The following MFAP3 variants were observed in gnomAD, a reference collection of about 807,000 sequenced individuals.
The protein encoded by MFAP3 is microfibril-associated glycoprotein 3.
MFAP3 carries 8 observed loss-of-function variants against 20.5 expected under a neutral mutation model. That is an observed-to-expected ratio of 0.39 (90% CI 0.23 to 0.70). The LOEUF is 0.70. MFAP3 is among the 30% of genes least tolerant of loss of function. The pLI is 0.44. For missense variants in MFAP3, 398 were observed against 444.6 expected (o/e 0.90, Z 0.94); for synonymous variants, 140 against 154.0 (o/e 0.91, Z 0.67).
At chr5:154,043,493 GT>G (rs1382043315) in intron 1 of MFAP3, among the ~76,000 whole-genome samples, 5 of 151,822 alleles carry the variant, frequency 3.3e-5, no homozygotes, top group African/African-American at 9.7e-5. Context: ...GGAGGTTGCA[GT>G]GAGCCGAGAT....
At position 154,055,180 on chromosome 5, in the gene MFAP3, C is replaced by G. The variant is rs958416067; in HGVS notation, c.*1467C>G. On this transcript the variant is annotated 3_prime_UTR_variant, in exon 3 of 3. Transcript: ENST00000522782. ...GGCTTCACGTTTCTTCATATGACTT[C>G]TGATTATTGAAGCATTACTTCAGCT... is the stretch of plus-strand genomic sequence containing the variant. 1 of 167,024 alleles carries G rather than the reference C, an allele frequency of 6.0e-6. No individual in the cohort carries two copies. The highest frequency in any genetic ancestry group is 1.5e-5 in the Non-Finnish European group (1 of 68,116). 10.3% of individuals were successfully genotyped at this position (167,024 alleles called of 1,614,324 possible).
intron 1 of MFAP3, among the ~76,000 whole-genome samples, chr5:154,046,424 G>A (rs1229790354): frequency 2.0e-5 from 3 of 152,144 alleles, no homozygotes; most frequent in South Asian, 2.1e-4. Context: ...TAGTTATGAC[G>A]TACAGCAATA....
intron 2 of MFAP3, among the ~76,000 whole-genome samples, chr5:154,052,366 C>A (rs530918526): frequency 1.2e-4 from 18 of 151,594 alleles, no homozygotes; most frequent in Admixed American, 3.3e-4. Context: ...GTTACTTCAA[C>A]AAATGCATTA....
At chr5:154,040,611 C>T (rs1772913253) in intron 1 of MFAP3, among the ~76,000 whole-genome samples, 1 of 152,130 alleles carries the variant, frequency 6.6e-6, no homozygotes, top group Non-Finnish European at 1.5e-5. Context: ...GATTGTCATG[C>T]CAGTAAAAGA....
chr5:154,052,543 ATGTAT>A (rs1261048768), intron 2 of MFAP3, among the ~76,000 whole-genome samples: 1 of 152,184 alleles, frequency 6.6e-6, no homozygotes, highest in Non-Finnish European at 1.5e-5. Flanking sequence ...GTATATGAAA[ATGTAT>A]TGGTTGCAAT....
chr5:154,052,873 G>A (rs202206280), intron 2 of MFAP3, 47 bp from the exon 3 acceptor site: 5 of 1,507,250 alleles, frequency 3.3e-6, no homozygotes, highest in South Asian at 1.2e-5. Flanking sequence ...GGCATATTTA[G>A]TAATCTTTTT....
At chr5:154,049,161 A>G (rs1444392991) in intron 1 of MFAP3, among the ~76,000 whole-genome samples, 1 of 152,246 alleles carries the variant, frequency 6.6e-6, no homozygotes, top group Non-Finnish European at 1.5e-5. Context: ...AAGATCATTA[A>G]GATAAATATT....
At position 154,045,277 on chromosome 5, in the gene MFAP3, T is replaced by C. The variant is rs61336483; in HGVS notation, c.-166-4280T>C. Among the ~76,000 whole-genome samples, 420 of 152,284 alleles carry C rather than the reference T, an allele frequency of 2.8e-3. 2 individuals carry two copies. The highest frequency in any genetic ancestry group is 7.4e-3 in the African/African-American group (307 of 41,550). Reference sequence around the variant, plus strand: ...GGATAGGGCTCAAAGAGGGGAGCCGTTGGGTAAGTAGATCACGACAAATCT... The same window carrying C: ...GGATAGGGCTCAAAGAGGGGAGCCGCTGGGTAAGTAGATCACGACAAATCT... On this transcript the variant is annotated intron_variant, in intron 1 of 2. Coordinates refer to ENST00000522782, the MANE Select transcript of MFAP3 (RefSeq NM_005927.5).
intron 2 of MFAP3, 80 bp from the exon 3 acceptor site, chr5:154,052,840 G>A: frequency 8.5e-7 from 1 of 1,182,550 alleles, no homozygotes; most frequent in Non-Finnish European, 1.2e-6. Context: ...TTGATAAAGA[G>A]GTGGAATATG....
Position 154,053,412 on chromosome 5 carries a change from A to T in MFAP3, c.788A>T (p.Asp263Val), listed in dbSNP as rs528602549. The T allele has an allele frequency of 6.8e-6, 11 of 1,613,970 alleles. No individual in the cohort carries two copies. In the Middle Eastern group the frequency reaches 4.9e-4, roughly 73 times the overall value. ...ATGTTTGAGGCTGTGCGAGTGGACG[A>T]CCCTGATGACCTGGGTGAAAGAATT... is the stretch of plus-strand genomic sequence containing the variant. ...EEMFEAVRVD[D>V]PDDLGERIKE... Residue 263 changes from aspartate (D) to valine (V), a missense_variant, in exon 3 of 3, where the codon GAC (aspartate) becomes GTC (valine). Physicochemically the swap from Asp to Val is radical, Grantham distance 152 (BLOSUM62 -3). Transcript: ENST00000522782.
chr5:154,042,261 T>A (rs1259892587), intron 1 of MFAP3, among the ~76,000 whole-genome samples: 2 of 152,258 alleles, frequency 1.3e-5, no homozygotes, highest in Non-Finnish European at 2.9e-5. Context: ...ATTGATGTTT[T>A]TGTCATTTGC....
rs569632799 is a variant in MFAP3, at chr5:154,050,111, G to C, written c.295+94G>C. The C allele has an allele frequency of 4.3e-5, 59 of 1,369,408 alleles. No individual in the cohort carries two copies. In the African/African-American group the frequency reaches 8.3e-4, roughly 19 times the overall value. 84.8% of individuals were successfully genotyped at this position (1,369,408 alleles called of 1,614,324 possible). ...TTAAACAAAAAGTCTCAAAGATAAG[G>C]TGCCAAGGTGAATAGTTTAAAACAT... On this transcript the variant is annotated intron_variant, in intron 2 of 2. Coordinates refer to ENST00000522782, the MANE Select transcript of MFAP3 (RefSeq NM_005927.5).
intron 1 of MFAP3, among the ~76,000 whole-genome samples, chr5:154,040,706 A>G (rs1198528243): frequency 6.6e-6 from 1 of 152,216 alleles, no homozygotes; most frequent in Non-Finnish European, 1.5e-5. Flanking sequence ...ATCCCAATTC[A>G]ATAAGTCTGT....
At position 154,049,958 on chromosome 5, in the gene MFAP3, A is replaced by T. The variant is rs559167658; in HGVS notation, c.236A>T (p.His79Leu). Residue 79 changes from histidine to leucine, a missense_variant, in exon 2 of 3, where the codon CAC (histidine) becomes CTC (leucine). Coordinates refer to ENST00000522782, the MANE Select transcript of MFAP3 (RefSeq NM_005927.5). Reference sequence around the variant, plus strand: ...ATTGAGTGTCTTCTCACAGCCAGTCACTATGAAGATGTCCATTGGCACAAT... The same window carrying T: ...ATTGAGTGTCTTCTCACAGCCAGTCTCTATGAAGATGTCCATTGGCACAAT... ...VSIECLLTAS[H>L]YEDVHWHNSK... The T allele has an allele frequency of 6.2e-7, 1 of 1,613,322 alleles. No individual in the cohort carries two copies.
chr5:154,055,230 G>C lies in MFAP3; in HGVS notation c.*1517G>C, dbSNP rs1773300050. 6.6e-6 allele frequency among the ~76,000 whole-genome samples: 1 copy of C among 152,212 alleles called. No homozygotes were observed. The highest frequency in any genetic ancestry group is 2.4e-5 in the African/African-American group (1 of 41,452). On this transcript the variant is annotated 3_prime_UTR_variant, in exon 3 of 3. Transcript: ENST00000522782. ...TAGAGGCTCCTGAGGGAAATGTTCA[G>C]AGGAGGTTTTATCAGGATTTTAATT...
Position 154,053,896 on chromosome 5 carries a change from C to G in MFAP3, c.*183C>G. 1.9e-5 allele frequency: 11 copies of G among 586,846 alleles called. No homozygotes were observed. Among genetic ancestry groups the G allele is most frequent in the Non-Finnish European group, 3.4e-5 (11 of 326,574 alleles). The allele number at this position is 586,846 out of a possible 1,614,324, so 36.4% of individuals were successfully genotyped here. A position where few individuals can be genotyped will look rare whatever the true frequency, so the allele number is the denominator to read the frequency against. ...AAGGCAGCATTTTTCCTCTCTGATA[C>G]TTTTCAGTCATTTTCCTTAGAGCTT... On this transcript the variant is annotated 3_prime_UTR_variant, in exon 3 of 3. Coordinates refer to ENST00000522782, the MANE Select transcript of MFAP3 (RefSeq NM_005927.5).
At chr5:154,043,968 A>G (rs1773020514) in intron 1 of MFAP3, among the ~76,000 whole-genome samples, 1 of 152,262 alleles carries the variant, frequency 6.6e-6, no homozygotes, top group Admixed American at 6.5e-5. Flanking sequence ...AGTCCCAAAC[A>G]TATAAGTGAA....
chr5:154,041,167 G>T (rs887435869), intron 1 of MFAP3, among the ~76,000 whole-genome samples: 15 of 152,104 alleles, frequency 9.9e-5, no homozygotes, highest in African/African-American at 2.9e-4. Context: ...AAGAGGGTGG[G>T]CATGAGAGGG....
Position 154,049,674 on chromosome 5 carries a change from G to C in MFAP3, c.-49G>C, listed in dbSNP as rs770103315. 5 of 1,558,306 alleles carry C rather than the reference G, an allele frequency of 3.2e-6. No homozygotes were observed. The East Asian group carries it at 1.1e-4, about 35-fold the overall frequency. On this transcript the variant is annotated 5_prime_UTR_variant, in exon 2 of 3. Coordinates refer to ENST00000522782, the MANE Select transcript of MFAP3 (RefSeq NM_005927.5). Reference sequence around the variant, plus strand: ...CCCGCTGTGCTTTTGTTGTAGTGTAGAAGTTTTTGAGTTCTCCAAATCTAA... The same window carrying C: ...CCCGCTGTGCTTTTGTTGTAGTGTACAAGTTTTTGAGTTCTCCAAATCTAA...
Sources: allele counts gnomAD v4.1 joint callset (sites outside exome capture counted in the v4.1 genomes callset), GRCh38; gene constraint gnomAD v4.1.1; transcripts MANE v1.5; gene names NCBI Gene and HGNC (gene_info 2026-07-23, HGNC 2026-07-21).